The following RDX variants were observed in gnomAD, a reference collection of about 807,000 sequenced individuals.
RDX encodes deafness, autosomal recessive 24.
In RDX, 32 loss-of-function variants were observed where a neutral mutation model predicts 83.7. That is an observed-to-expected ratio of 0.38 (90% confidence interval 0.29 to 0.51). RDX has a LOEUF of 0.51. RDX is among the 20% of genes least tolerant of loss of function. RDX has a pLI of 0.87. For missense variants in RDX, 600 were observed against 689.9 expected, an observed-to-expected ratio of 0.87 and a Z score of 1.46; for synonymous variants, 229 against 222.7, an observed-to-expected ratio of 1.03 and a Z score of -0.25.
chr11:110,277,427 C>T lies in RDX; in HGVS notation c.12+2254G>A, dbSNP rs377438527. On this transcript the variant is annotated intron_variant, in intron 2 of 13. Coordinates refer to ENST00000645495, the MANE Select transcript of RDX (RefSeq NM_002906.4). ...CTTCGCCTCCTGGATTCAAGCGATT[C>T]TCCTGCCTCAGCCTCCCAAGTAGCT... Among the ~76,000 whole-genome samples, 27 of 152,250 alleles carry T rather than the reference C, an allele frequency of 1.8e-4. 1 individual carries two copies. The highest frequency in any genetic ancestry group is 1.7e-3 in the East Asian group (9 of 5,194).
chr11:110,237,900 T>G, intron 10 of RDX: 1 of 521,954 alleles, frequency 1.9e-6, no homozygotes, highest in Non-Finnish European at 3.6e-6. Context: ...GCCTCCCAAG[T>G]AGCTAGGACT....
In RDX at chr11:110,237,505, T is replaced by C. The variant is rs768760004; in HGVS notation, c.1238A>G (p.Asn413Ser). 6 of 1,612,624 alleles carry C rather than the reference T, an allele frequency of 3.7e-6. No homozygotes were observed. The South Asian group carries it at 5.5e-5, about 15-fold the overall frequency. ...ACAGTTCCTTACTAGCTGCTCCTGA[T>C]TCTTCATCTGGTCGGCAGCTTGTTT... ...IAKQAADQMK[N>S]QEQLAAELAE... The change falls in exon 11 of 14, where the codon AAT becomes AGT. Residue 413 changes from asparagine (N) to serine (S), a missense_variant. Asn to Ser is a conservative substitution (Grantham distance 46). Transcript: ENST00000645495.
chr11:110,257,014 ATAAAT>A (rs1406819151), intron 7 of RDX, among the ~76,000 whole-genome samples: 2 of 141,538 alleles, frequency 1.4e-5, no homozygotes, highest in Admixed American at 7.0e-5. Context: ...GGTATGGTAA[ATAAAT>A]TAAAGTCTAA....
At chr11:110,259,110 G>T (rs1168531636) in intron 5 of RDX, among the ~76,000 whole-genome samples, 1 of 151,708 alleles carries the variant, frequency 6.6e-6, no homozygotes, top group Admixed American at 6.6e-5. Flanking sequence ...TGTTTTTTTG[G>T]TATTTTTAGT....
At chr11:110,256,389 G>C (rs1370646975) in intron 7 of RDX, among the ~76,000 whole-genome samples, 1 of 152,124 alleles carries the variant, frequency 6.6e-6, no homozygotes, top group Non-Finnish European at 1.5e-5. Context: ...GCTTAAAACG[G>C]AGACTGCAGG....
At position 110,229,614 on chromosome 11, in the gene RDX, G is replaced by A. The variant is rs1352582462; in HGVS notation, c.*2255C>T. The A allele has an allele frequency of 3.9e-5, 6 of 152,492 alleles. No homozygotes were observed. The highest frequency in any genetic ancestry group is 1.9e-4 in the East Asian group (1 of 5,186). 9.4% of individuals were successfully genotyped at this position (152,492 alleles called of 1,614,324 possible). A position where few individuals can be genotyped will look rare whatever the true frequency, so the allele number is the denominator to read the frequency against. ...ACATTGACTATATGAACATGTGCTC[G>A]CGACTGCTAATAAGTTATAATTGGT... On this transcript the variant is annotated 3_prime_UTR_variant, in exon 14 of 14. Transcript: ENST00000645495.
At chr11:110,291,064 G>C (rs1456877073) in intron 1 of RDX, among the ~76,000 whole-genome samples, 1 of 152,166 alleles carries the variant, frequency 6.6e-6, no homozygotes, top group Non-Finnish European at 1.5e-5. Context: ...TAACAGGGCT[G>C]GGTGCAGTTG....
At chr11:110,201,319 G>A (rs1212116711) in intron 14 of RDX, among the ~76,000 whole-genome samples, 2 of 152,124 alleles carry the variant, frequency 1.3e-5, no homozygotes, top group Non-Finnish European at 2.9e-5. Flanking sequence ...AGCAGAGAGA[G>A]CAAAGGAAGA....
intron 14 of RDX, among the ~76,000 whole-genome samples, chr11:110,208,900 G>A (rs1863704578): frequency 6.6e-6 from 1 of 152,216 alleles, no homozygotes; most frequent in Admixed American, 6.5e-5. Context: ...AGGTTGCATT[G>A]AGCAGAGATC....
At chr11:110,195,903 C>G (rs533912654) in intron 15 of RDX, 1 of 152,050 alleles carries the variant, frequency 6.6e-6, no homozygotes, top group Non-Finnish European at 1.5e-5. Flanking sequence ...GGGTGCTGTG[C>G]GAAGTCCCAA....
At chr11:110,237,730 A>C (rs1000696510) in intron 10 of RDX, 78 bp from the exon 11 acceptor site, 3 of 1,472,328 alleles carry the variant, frequency 2.0e-6, no homozygotes, top group Non-Finnish European at 2.9e-6. Context: ...AAATAGTAGC[A>C]AGAAATCAAA....
chr11:110,210,796 T>G (rs925511741), intron 14 of RDX, among the ~76,000 whole-genome samples: 4 of 149,880 alleles, frequency 2.7e-5, no homozygotes, highest in African/African-American at 7.4e-5. Context: ...TGCTGAGAGA[T>G]TTTGTCACCA....
chr11:110,277,724 C>G (rs1253070159), intron 2 of RDX, among the ~76,000 whole-genome samples: 1 of 151,376 alleles, frequency 6.6e-6, no homozygotes, highest in Admixed American at 6.6e-5. Flanking sequence ...TGTAAAAGAA[C>G]TTTATATGGC....
At chr11:110,215,017 AAAC>A (rs1468472972) in intron 14 of RDX, among the ~76,000 whole-genome samples, 5 of 138,488 alleles carry the variant, frequency 3.6e-5, no homozygotes, top group African/African-American at 1.4e-4. Flanking sequence ...AAAATAAAAA[AAAC>A]ATTTAGGAGA....
At chr11:110,208,261 C>T (rs765353533) in intron 14 of RDX, among the ~76,000 whole-genome samples, 1 of 152,218 alleles carries the variant, frequency 6.6e-6, no homozygotes, top group African/African-American at 2.4e-5. Context: ...CAATGAAATA[C>T]TCATTCAGTT....
intron 1 of RDX, among the ~76,000 whole-genome samples, chr11:110,294,852 T>C (rs541747031): frequency 6.6e-6 from 1 of 152,198 alleles, no homozygotes; most frequent in Non-Finnish European, 1.5e-5. Context: ...GAACAAAACA[T>C]TGTATGTGAT....
At chr11:110,209,094 G>A (rs1863713896) in intron 14 of RDX, among the ~76,000 whole-genome samples, 1 of 152,204 alleles carries the variant, frequency 6.6e-6, no homozygotes, top group African/African-American at 2.4e-5. Flanking sequence ...ATCTCACTAG[G>A]GAGTGCCAGA....
At chr11:110,293,899 GT>G (rs1861342433) in intron 1 of RDX, among the ~76,000 whole-genome samples, 1 of 152,080 alleles carries the variant, frequency 6.6e-6, no homozygotes. Flanking sequence ...ATTTGACCCC[GT>G]TTTTAAACAT....
At chr11:110,244,900 T>C (rs972067828) in intron 10 of RDX, among the ~76,000 whole-genome samples, 28 of 151,974 alleles carry the variant, frequency 1.8e-4, no homozygotes, top group Non-Finnish European at 1.0e-4. Context: ...GGGAGTAAAT[T>C]CACTTCGTAA....
Sources: gnomAD v4.1 joint callset for allele counts (sites outside exome capture counted in the v4.1 genomes callset) on GRCh38, gnomAD v4.1.1 for gene constraint, MANE v1.5 for transcripts, NCBI Gene and HGNC (gene_info 2026-07-23, HGNC 2026-07-21) for gene names.